Variants in MME observed in about 807,000 individuals in gnomAD.
MME encodes the protein membrane metalloendopeptidase.
MME carries 98 observed loss-of-function variants against 113.2 expected under a neutral mutation model. That is an observed-to-expected ratio of 0.87 (90% confidence interval 0.74 to 1.02). MME has a LOEUF of 1.02. Ranked by LOEUF, MME falls within the 50% of genes least tolerant of loss-of-function variation. The probability of loss-of-function intolerance (pLI) is 0.00; values close to 1 mark genes in which losing one functional copy is unlikely to be tolerated. For synonymous variants in MME, 292 were observed against 300.6 expected, an observed-to-expected ratio of 0.97 and a Z score of 0.30; for missense variants, 836 against 896.0, an observed-to-expected ratio of 0.93 and a Z score of 0.86.
chr3:155,031,112 T>A (rs986340368), intron 1 of MME, among the ~76,000 whole-genome samples: 11 of 152,304 alleles, frequency 7.2e-5, no homozygotes, highest in Admixed American at 7.2e-4. Context: ...TTGTTTCAGC[T>A]GTAATGTTGC....
At chr3:155,167,225 A>G (rs755585327) in intron 18 of MME, among the ~76,000 whole-genome samples, 3 of 152,174 alleles carry the variant, frequency 2.0e-5, no homozygotes, top group Non-Finnish European at 4.4e-5. Context: ...TGTGTGCTTT[A>G]CACTCTGGCA....
intron 16 of MME, among the ~76,000 whole-genome samples, chr3:155,159,201 T>C (rs1014258591): frequency 6.6e-6 from 1 of 152,036 alleles, no homozygotes; most frequent in Non-Finnish European, 1.5e-5. Context: ...AGCAACATTG[T>C]AACTAAAGCC....
intron 8 of MME, among the ~76,000 whole-genome samples, chr3:155,126,010 C>T (rs1325224506): frequency 3.3e-5 from 5 of 151,990 alleles, no homozygotes; most frequent in Non-Finnish European, 5.9e-5. Flanking sequence ...TTATGAAGTT[C>T]GAATAACATG....
chr3:155,148,412 A>G lies in MME; in HGVS notation c.1498-138A>G, dbSNP rs1721683305. On this transcript the variant is annotated intron_variant, in intron 15 of 22. Coordinates refer to ENST00000360490, the MANE Select transcript of MME (RefSeq NM_007289.4). ...ATAGAATTAGGTTAACTGGAACTAC[A>G]TCCTTTTTTGGTAAGTTTTTTAATG... 2.8e-5 allele frequency: 18 copies of G among 634,020 alleles called. No individual in the cohort carries two copies. In the South Asian group the frequency reaches 3.6e-4, roughly 13 times the overall value. 39.3% of individuals were successfully genotyped at this position (634,020 alleles called of 1,614,324 possible).
At chr3:155,157,033 T>C (rs1233507130) in intron 16 of MME, among the ~76,000 whole-genome samples, 4 of 152,064 alleles carry the variant, frequency 2.6e-5, no homozygotes, top group African/African-American at 7.2e-5. Context: ...TTCAGGGCAA[T>C]AAGAGATAGA....
intron 1 of MME, 43 bp from the exon 2 acceptor site, chr3:155,084,115 T>C (rs753755102): frequency 1.2e-5 from 18 of 1,472,600 alleles, no homozygotes; most frequent in Non-Finnish European, 1.6e-5. Flanking sequence ...ATTTTCTTTT[T>C]TATTTATTTG....
rs201216744 is a variant in MME, at chr3:155,118,734, T to C, written c.655-12T>C. ...TGAATGATTTATTTTCTTTTATGTA[T>C]ATTTTTTATAGATTGACCAACCTCG... On this transcript the variant is annotated splice_polypyrimidine_tract_variant and intron_variant, in intron 7 of 22. Transcript: ENST00000360490. The C allele has an allele frequency of 3.3e-5, 50 of 1,524,474 alleles. 1 individual carries two copies. Among genetic ancestry groups the C allele is most frequent in the Non-Finnish European group, 4.2e-5 (46 of 1,104,524 alleles). The allele number at this position is 1,524,474 out of a possible 1,614,324, so 94.4% of individuals were successfully genotyped here. A position where few individuals can be genotyped will look rare whatever the true frequency, so the allele number is the denominator to read the frequency against.
intron 22 of MME, among the ~76,000 whole-genome samples, chr3:155,174,568 G>T (rs1441983955): frequency 6.6e-6 from 1 of 151,976 alleles, no homozygotes; most frequent in Non-Finnish European, 1.5e-5. Context: ...TAGATATCGA[G>T]TTGCTATTTA....
At chr3:155,090,653 T>G (rs1438096658) in intron 3 of MME, among the ~76,000 whole-genome samples, 1 of 152,140 alleles carries the variant, frequency 6.6e-6, no homozygotes, top group African/African-American at 2.4e-5. Flanking sequence ...CTCAGAATGG[T>G]GCGTGATTTA....
intron 16 of MME, among the ~76,000 whole-genome samples, chr3:155,156,564 AATAACCATATTGTGCCTCAGTTTC>A (rs575868539): frequency 1.0e-3 from 153 of 152,322 alleles, no homozygotes; most frequent in African/African-American, 3.6e-3. Context: ...GAAAGAGATT[AATAACCATATTGTGCCTCAGTTTC>A]TATACCTGCA....
rs1718664043 is a variant in MME at position 155,116,896 on chromosome 3, T to G, written c.564T>G (p.Ile188Met). The G allele has an allele frequency of 6.2e-7, 1 of 1,612,244 alleles. No homozygotes were observed. The highest frequency in any genetic ancestry group is 8.5e-7 in the Non-Finnish European group (1 of 1,178,556). The change falls in exon 7 of 23, where the codon ATT becomes ATG. Residue 188 changes from isoleucine to methionine, a missense_variant. Ile to Met is a conservative substitution (Grantham distance 10, BLOSUM62 1). Coordinates refer to ENST00000360490, the MANE Select transcript of MME (RefSeq NM_007289.4). ...CTTCTTGGACAGCTGAAAAAGCTAT[T>G]GCACAACTGAATTCTAAATATGGGA... The part of the protein sequence containing the change: ...YGASWTAEKA[I>M]AQLNSKYGKK...
chr3:155,148,231 G>A (rs1041777260), intron 15 of MME, among the ~76,000 whole-genome samples: 3 of 152,086 alleles, frequency 2.0e-5, no homozygotes, highest in African/African-American at 7.2e-5. Context: ...TTGGCACATG[G>A]TAAGTACTAA....
At chr3:155,168,834 T>C (rs762930397) in intron 20 of MME, 37 bp downstream of exon 20, 1 of 1,534,700 alleles carries the variant, frequency 6.5e-7, no homozygotes, top group Non-Finnish European at 9.0e-7. Flanking sequence ...TTTAGTGATT[T>C]AGAGTGTTTC....
At chr3:155,033,609 T>G (rs974260350) in intron 1 of MME, among the ~76,000 whole-genome samples, 2 of 152,148 alleles carry the variant, frequency 1.3e-5, no homozygotes, top group African/African-American at 4.8e-5. Context: ...TAAGAGAGAC[T>G]TCAATGTTAA....
chr3:155,162,076 C>T (rs558667695), intron 17 of MME, among the ~76,000 whole-genome samples: 1 of 152,312 alleles, frequency 6.6e-6, no homozygotes, highest in Non-Finnish European at 1.5e-5. Flanking sequence ...AACTTAGACT[C>T]CTTAGTGCTG....
chr3:155,054,562 C>T lies in MME; in HGVS notation c.-10-29596C>T, dbSNP rs1396751467. 2.6e-5 allele frequency among the ~76,000 whole-genome samples: 4 copies of T among 152,214 alleles called. No individual in the cohort carries two copies. The East Asian group carries it at 7.7e-4, about 29-fold the overall frequency. On this transcript the variant is annotated intron_variant, in intron 1 of 22. Coordinates refer to the MME transcript ENST00000492661. ...CTAGACTGGGTGCAGTGGCTCACTC[C>T]TGCAATCCCAGCACTTTGGGAGGCC... is the stretch of plus-strand genomic sequence containing the variant.
At chr3:155,126,330 A>T (rs917175617) in intron 8 of MME, among the ~76,000 whole-genome samples, 2 of 146,448 alleles carry the variant, frequency 1.4e-5, no homozygotes, top group African/African-American at 5.2e-5. Flanking sequence ...AAATCCTATG[A>T]TACATATTTT....
chr3:155,112,874 T>C (rs1270478872), intron 3 of MME: 1 of 152,286 alleles, frequency 6.6e-6, no homozygotes, highest in African/African-American at 2.4e-5. Context: ...TGCTAGGTGA[T>C]ACAAAGAGAT....
intron 12 of MME, among the ~76,000 whole-genome samples, chr3:155,142,925 A>T (rs1191899239): frequency 6.6e-6 from 1 of 152,166 alleles, no homozygotes; most frequent in Non-Finnish European, 1.5e-5. Context: ...TCTAGTTTTT[A>T]TCCTTAAAAA....
Sources: gnomAD v4.1 joint callset for allele counts (sites outside exome capture counted in the v4.1 genomes callset) on GRCh38, gnomAD v4.1.1 for gene constraint, MANE v1.5 for transcripts, NCBI Gene and HGNC (gene_info 2026-07-23, HGNC 2026-07-21) for gene names.